NPL: variants seen among roughly 807,000 people sequenced by gnomAD.
The protein encoded by NPL is N-acetylneuraminate pyruvate lyase.
NPL carries 32 observed loss-of-function variants against 41.1 expected under a neutral mutation model. The observed-to-expected ratio is 0.78, with a 90% CI of 0.59 to 1.05. The LOEUF (loss-of-function observed/expected upper bound fraction) is 1.05, where lower values mean the gene tolerates loss of function less well. NPL is among the 50% of genes least tolerant of loss of function. NPL has a pLI of 0.00. For missense variants in NPL, 321 were observed against 378.4 expected (o/e 0.85, Z 1.26); for synonymous variants, 128 against 134.9 (o/e 0.95, Z 0.35).
chr1:182,791,595 C>T (rs12066158), intron 1 of NPL, among the ~76,000 whole-genome samples: 26,530 of 152,162 alleles, frequency 0.17, 4,491 homozygotes, highest in African/African-American at 0.44. Context: ...ACACTCCCAA[C>T]GGCCCCTTGT....
intron 1 of NPL, among the ~76,000 whole-genome samples, chr1:182,790,890 A>T (rs2333463): frequency 6.6e-6 from 1 of 151,980 alleles, no homozygotes. Context: ...TGATCCGCCC[A>T]CCTCGGCCTC....
At chr1:182,796,654 A>G (rs906740207) in intron 3 of NPL, among the ~76,000 whole-genome samples, 3 of 152,132 alleles carry the variant, frequency 2.0e-5, no homozygotes, top group South Asian at 4.1e-4. Flanking sequence ...AACATGGGTA[A>G]GTAGATCTTA....
At chr1:182,802,478 G>C (rs867037443) in intron 3 of NPL, among the ~76,000 whole-genome samples, 1 of 145,256 alleles carries the variant, frequency 6.9e-6, no homozygotes, top group African/African-American at 2.6e-5. Context: ...TTTTTTTTTT[G>C]TTTTTGTTGT....
At chr1:182,821,556 T>TG (rs1202160565) in intron 10 of NPL, among the ~76,000 whole-genome samples, 2 of 152,206 alleles carry the variant, frequency 1.3e-5, no homozygotes, top group African/African-American at 4.8e-5. Context: ...GGATTAGACA[T>TG]GATTTATGTC....
intron 3 of NPL, among the ~76,000 whole-genome samples, chr1:182,802,039 GA>G (rs1261680777): frequency 1.2e-4 from 18 of 152,140 alleles, no homozygotes; most frequent in African/African-American, 4.3e-4. Flanking sequence ...ATGTAATAGT[GA>G]AATTTCAAAA....
At chr1:182,814,885 C>T in intron 7 of NPL, 27 bp downstream of exon 7, 2 of 1,559,380 alleles carry the variant, frequency 1.3e-6, no homozygotes, top group African/African-American at 1.4e-5. Context: ...GAATGCATGG[C>T]ATCTCACATG....
At chr1:182,810,647 T>A (rs1335859418) in intron 5 of NPL, among the ~76,000 whole-genome samples, 1 of 152,186 alleles carries the variant, frequency 6.6e-6, no homozygotes, top group Non-Finnish European at 1.5e-5. Context: ...TCTGTAGTTT[T>A]GCAGCATTAA....
At chr1:182,807,929 G>C (rs1312438651) in intron 5 of NPL, among the ~76,000 whole-genome samples, 1 of 150,524 alleles carries the variant, frequency 6.6e-6, no homozygotes, top group Admixed American at 6.6e-5. Context: ...CAAAAATGAG[G>C]GACAGGGAAG....
intron 5 of NPL, among the ~76,000 whole-genome samples, chr1:182,807,752 A>G (rs1486552092): frequency 6.7e-6 from 1 of 150,354 alleles, no homozygotes; most frequent in East Asian, 1.9e-4. Flanking sequence ...TTAGCCAGGC[A>G]TGGTGGCGGG....
At chr1:182,803,818 T>G (rs763038188) in intron 4 of NPL, 47 bp downstream of exon 4, 1 of 1,301,820 alleles carries the variant, frequency 7.7e-7, no homozygotes, top group East Asian at 2.3e-5. Context: ...GCTCAGTCTT[T>G]AGAAGGTATA....
rs369325310 is a variant in NPL at position 182,816,733 on chromosome 1, A to G, written c.384A>G (p.Leu128=). The G allele has an allele frequency of 6.2e-6, 10 of 1,613,494 alleles. No homozygotes were observed. In the East Asian group the frequency reaches 2.0e-4, roughly 32 times the overall value. Residue 128 remains leucine, a synonymous_variant, in exon 8 of 13, where the codon CTA becomes CTG. Coordinates refer to ENST00000367553, the MANE Select transcript of NPL (RefSeq NM_030769.3). ...PWTKDILINF[L]KEVAAAAPAL... is the part of the protein sequence containing the mutation. The stretch of plus-strand genomic sequence containing the variant: ...TTTCAGATATCCTGATTAATTTCCT[A>G]AAGGAAGTGGCTGCTGCCGCCCCTG...
At chr1:182,805,918 C>T (rs1406283167) in intron 4 of NPL, among the ~76,000 whole-genome samples, 2 of 152,182 alleles carry the variant, frequency 1.3e-5, no homozygotes, top group Admixed American at 6.5e-5. Flanking sequence ...CTGACTGTCC[C>T]TAATATCAAG....
chr1:182,819,421 G>A (rs1374711721), intron 10 of NPL, among the ~76,000 whole-genome samples: 2 of 151,152 alleles, frequency 1.3e-5, no homozygotes, highest in South Asian at 2.1e-4. Context: ...ACTCTAGCCC[G>A]GGCAACAAGA....
At chr1:182,817,790 G>A (rs967405132) in intron 8 of NPL, among the ~76,000 whole-genome samples, 2 of 152,254 alleles carry the variant, frequency 1.3e-5, no homozygotes, top group African/African-American at 4.8e-5. Context: ...CATAGGGTAA[G>A]ATATGTGAGA....
At chr1:182,815,450 A>C (rs550151532) in intron 7 of NPL, among the ~76,000 whole-genome samples, 104 of 152,312 alleles carry the variant, frequency 6.8e-4, no homozygotes, top group African/African-American at 2.3e-3. Context: ...ATTTGCCTAC[A>C]TGATTAAATA....
chr1:182,803,836 T>A, intron 4 of NPL, 65 bp downstream of exon 4: 3 of 1,141,898 alleles, frequency 2.6e-6, no homozygotes, highest in Non-Finnish European at 4.0e-6. Context: ...ATATCTTACC[T>A]GGTTACCAGC....
chr1:182,806,473 T>G, intron 5 of NPL: 4 of 1,536,290 alleles, frequency 2.6e-6, no homozygotes, highest in Non-Finnish European at 3.5e-6. Context: ...GCTGGGAAAC[T>G]GCTTCTTACC....
Position 182,824,696 on chromosome 1 carries a change from G to A in NPL, c.739-1085G>A, listed in dbSNP as rs551456998. Among the ~76,000 whole-genome samples, 34 of 152,084 alleles carry A rather than the reference G, an allele frequency of 2.2e-4. No individual in the cohort carries two copies. In the South Asian group the frequency reaches 7.1e-3, roughly 32 times the overall value. On this transcript the variant is annotated intron_variant, in intron 11 of 12. Coordinates refer to ENST00000367553, the MANE Select transcript of NPL (RefSeq NM_030769.3). ...CCTGTAGTCCCAGCTACTTGGGAGGGTGAGGCAGGAGAATGGCATGAACCT... is the reference window on the plus strand; with the variant it reads ...CCTGTAGTCCCAGCTACTTGGGAGGATGAGGCAGGAGAATGGCATGAACCT...
At position 182,822,120 on chromosome 1, in the gene NPL, A is replaced by G; in HGVS notation, c.659A>G (p.Tyr220Cys). Residue 220 changes from tyrosine to cysteine, a missense_variant, in exon 11 of 13, where the codon TAT becomes TGT. Physicochemically the swap from Tyr to Cys is radical, Grantham distance 194. Transcript: ENST00000367553. ...MGATGAVGSTYNYLGKKTNQM... is the reference protein window; with the variant it reads ...MGATGAVGSTCNYLGKKTNQM... Reference sequence around the variant, plus strand: ...ATTTGTTATTGTCTTGCCAGTACCTATAACTACCTGGGAAAAAAGACAAAC... The same window carrying G: ...ATTTGTTATTGTCTTGCCAGTACCTGTAACTACCTGGGAAAAAAGACAAAC... The G allele has an allele frequency of 6.2e-7, 1 of 1,609,462 alleles. No homozygotes were observed. Among genetic ancestry groups the G allele is most frequent in the African/African-American group, 1.3e-5 (1 of 74,964 alleles).
Sources: gnomAD v4.1 joint callset for allele counts (sites outside exome capture counted in the v4.1 genomes callset) on GRCh38, gnomAD v4.1.1 for gene constraint, MANE v1.5 for transcripts, NCBI Gene and HGNC (gene_info 2026-07-23, HGNC 2026-07-21) for gene names.